RBFOX3: variants seen among roughly 807,000 people sequenced by gnomAD.
The protein encoded by RBFOX3 is RNA binding protein fox-1 homolog 3.
RBFOX3 carries 17 observed loss-of-function variants against 48.7 expected under a neutral mutation model. That is an observed-to-expected ratio of 0.35 (90% confidence interval 0.24 to 0.52). The LOEUF (loss-of-function observed/expected upper bound fraction) is 0.52. Ranked by LOEUF, RBFOX3 falls within the 20% of genes least tolerant of loss-of-function variation. RBFOX3 has a pLI of 0.94. For missense variants in RBFOX3, 382 were observed against 497.5 expected (o/e 0.77, Z 2.21); for synonymous variants, 212 against 209.5 (o/e 1.01, Z -0.10).
At chr17:79,518,447 G>A (rs2085568940) in intron 1 of RBFOX3, among the ~76,000 whole-genome samples, 2 of 152,260 alleles carry the variant, frequency 1.3e-5, no homozygotes, top group Admixed American at 1.3e-4. Context: ...AAGTCCTCCG[G>A]GTCGGATGGT....
intron 2 of RBFOX3, among the ~76,000 whole-genome samples, chr17:79,353,004 C>T (rs1008961235): frequency 6.6e-6 from 1 of 152,252 alleles, no homozygotes; most frequent in Admixed American, 6.5e-5. Context: ...GAGCATCCAC[C>T]TGGAACAGGA....
chr17:79,246,464 G>A (rs987319969), intron 3 of RBFOX3, among the ~76,000 whole-genome samples: 2 of 152,214 alleles, frequency 1.3e-5, no homozygotes, highest in African/African-American at 2.4e-5. Flanking sequence ...TAAGGGAAGC[G>A]GAGTCCCTGT....
chr17:79,179,753 G>C (rs2051448259), intron 4 of RBFOX3, among the ~76,000 whole-genome samples: 2 of 152,184 alleles, frequency 1.3e-5, no homozygotes, highest in African/African-American at 4.8e-5. Context: ...GGGCCTCCCA[G>C]AGAGTCCTGC....
intron 4 of RBFOX3, among the ~76,000 whole-genome samples, chr17:79,175,592 T>A (rs1237168977): frequency 2.0e-5 from 3 of 152,208 alleles, no homozygotes; most frequent in Non-Finnish European, 4.4e-5. Context: ...GCAGACACAC[T>A]GCCTAGACCA....
At chr17:79,620,009 A>T in the RBFOX3 span, among the ~76,000 whole-genome samples, 13 of 151,940 alleles carry the variant, frequency 8.6e-5, no homozygotes, top group Non-Finnish European at 4.4e-5. Context: ...ACACATGCAC[A>T]TGCACACACA....
At chr17:79,538,295 G>A (rs1248441061) in intron 1 of RBFOX3, among the ~76,000 whole-genome samples, 1 of 152,236 alleles carries the variant, frequency 6.6e-6, no homozygotes, top group Non-Finnish European at 1.5e-5. Context: ...ACTTAACTAA[G>A]CCAGTGGGAT....
At chr17:79,094,864 C>A (rs1166696869) in intron 13 of RBFOX3, among the ~76,000 whole-genome samples, 1 of 151,966 alleles carries the variant, frequency 6.6e-6, no homozygotes, top group Non-Finnish European at 1.5e-5. Context: ...AAACTTCCAC[C>A]CCAAAAAGAA....
intron 1 of RBFOX3, among the ~76,000 whole-genome samples, chr17:79,496,330 C>T (rs1298640351): frequency 1.3e-5 from 2 of 152,090 alleles, no homozygotes; most frequent in African/African-American, 4.8e-5. Flanking sequence ...TCTCTGCCCA[C>T]GGTCTGGCTG....
At chr17:79,376,399 C>T (rs61339563) in intron 2 of RBFOX3, among the ~76,000 whole-genome samples, 38,561 of 151,900 alleles carry the variant, frequency 0.25, 5,855 homozygotes, top group East Asian at 0.63. Context: ...TGGCAGGGGC[C>T]GGCCAGGCAC....
chr17:79,491,495 A>G (rs1331111038), intron 1 of RBFOX3, among the ~76,000 whole-genome samples: 1 of 151,994 alleles, frequency 6.6e-6, no homozygotes, highest in Non-Finnish European at 1.5e-5. Flanking sequence ...AGGTGATCCA[A>G]TGGCCTACGG....
chr17:79,521,259 C>T (rs1289643188), intron 1 of RBFOX3, among the ~76,000 whole-genome samples: 4 of 144,038 alleles, frequency 2.8e-5, no homozygotes, highest in Admixed American at 6.7e-5. Context: ...CACACACACT[C>T]ACAGACACAC....
intron 2 of RBFOX3, among the ~76,000 whole-genome samples, chr17:79,472,627 C>T (rs531698300): frequency 1.3e-5 from 2 of 152,206 alleles, no homozygotes; most frequent in South Asian, 4.1e-4. Flanking sequence ...CTTCTGGCCT[C>T]TTGAATTTTG....
chr17:79,494,371 C>G (rs2081139210), intron 1 of RBFOX3, among the ~76,000 whole-genome samples: 1 of 152,304 alleles, frequency 6.6e-6, no homozygotes, highest in South Asian at 2.1e-4. Flanking sequence ...CTGTGAGGCC[C>G]TGGGCAAGTA....
chr17:79,609,213 G>A (rs1396367476), intron 1 of RBFOX3, among the ~76,000 whole-genome samples: 1 of 152,160 alleles, frequency 6.6e-6, no homozygotes, highest in Non-Finnish European at 1.5e-5. Context: ...ATGTTTTGCA[G>A]ACCAGTAAAA....
intron 3 of RBFOX3, among the ~76,000 whole-genome samples, chr17:79,238,864 C>A (rs765914114): frequency 2.0e-5 from 3 of 152,128 alleles, no homozygotes; most frequent in Non-Finnish European, 4.4e-5. Flanking sequence ...TTGAAAGCTC[C>A]AGAACTAGAG....
chr17:79,619,407 C>T, the RBFOX3 span, among the ~76,000 whole-genome samples: 1 of 152,206 alleles, frequency 6.6e-6, no homozygotes, highest in African/African-American at 2.4e-5. Context: ...GTGCTTCCCT[C>T]CTCGCTCCTG....
At chr17:79,635,059 CAAA>C in the RBFOX3 span, among the ~76,000 whole-genome samples, 1 of 53,492 alleles carries the variant, frequency 1.9e-5, no homozygotes, top group African/African-American at 5.4e-5. Flanking sequence ...GACTCCATCT[CAAA>C]AAAAAAAAAA....
intron 1 of RBFOX3, among the ~76,000 whole-genome samples, chr17:79,566,392 G>A (rs1246594805): frequency 6.6e-6 from 1 of 152,272 alleles, no homozygotes; most frequent in South Asian, 2.1e-4. Context: ...CATCACCATG[G>A]TCCTGCAGCT....
intron 2 of RBFOX3, among the ~76,000 whole-genome samples, chr17:79,355,216 A>G (rs1335761235): frequency 6.6e-6 from 1 of 151,802 alleles, no homozygotes; most frequent in Non-Finnish European, 1.5e-5. Context: ...GACTCTCCCT[A>G]AGAAGAAAGT....
Sources: allele counts gnomAD v4.1 joint callset (sites outside exome capture counted in the v4.1 genomes callset), GRCh38; gene constraint gnomAD v4.1.1; transcripts MANE v1.5; gene names NCBI Gene and HGNC (gene_info 2026-07-23, HGNC 2026-07-21).